TEC: variants seen among roughly 807,000 people sequenced by gnomAD.
TEC encodes tyrosine-protein kinase Tec.
Under a neutral mutation model 93.0 loss-of-function variants are expected in TEC, and 72 were observed. That is an observed-to-expected ratio of 0.77 (90% CI 0.64 to 0.94). TEC has a LOEUF of 0.94. Among genes scored for constraint, TEC ranks in the 40% least tolerant of loss-of-function variants. The pLI is 0.00. For synonymous variants in TEC, 249 were observed against 247.7 expected (o/e 1.01, Z -0.05); for missense variants, 630 against 757.9 (o/e 0.83, Z 1.98).
At chr4:48,268,682 T>TA (rs1481905081) in intron 1 of TEC, among the ~76,000 whole-genome samples, 1 of 152,212 alleles carries the variant, frequency 6.6e-6, no homozygotes, top group African/African-American at 2.4e-5. Context: ...CCCAGCTCTT[T>TA]AGCAGAGAAT....
intron 2 of TEC, among the ~76,000 whole-genome samples, chr4:48,207,186 A>T (rs1722743806): frequency 6.6e-6 from 1 of 152,196 alleles, no homozygotes; most frequent in Non-Finnish European, 1.5e-5. Context: ...GTTCAACAGG[A>T]ATCAGACAGT....
Position 48,257,837 on chromosome 4 carries a change from T to C in TEC, c.-46+11915A>G, listed in dbSNP as rs74777122. ...TAGACTGAAAATTTGGATGGAAGTA[T>C]TTTCCTCAATCTTCTATACCATTGA... On this transcript the variant is annotated intron_variant, in intron 1 of 17. Transcript: ENST00000381501. Among the ~76,000 whole-genome samples, 193 of 152,294 alleles carry C rather than the reference T, an allele frequency of 1.3e-3. 2 individuals carry two copies. In the East Asian group the frequency reaches 0.032, roughly 25 times the overall value.
At chr4:48,151,589 C>T (rs1348228993) in intron 9 of TEC, among the ~76,000 whole-genome samples, 1 of 152,142 alleles carries the variant, frequency 6.6e-6, no homozygotes, top group Non-Finnish European at 1.5e-5. Flanking sequence ...TGGGTTCAAG[C>T]AGTTCTCCTG....
intron 1 of TEC, among the ~76,000 whole-genome samples, chr4:48,239,538 C>T (rs1255502764): frequency 6.6e-6 from 1 of 152,034 alleles, no homozygotes; most frequent in Non-Finnish European, 1.5e-5. Flanking sequence ...TTTTCAGGGC[C>T]TTTTACTAGG....
chr4:48,170,444 C>T, intron 4 of TEC, 68 bp from the exon 5 acceptor site: 1 of 1,064,086 alleles, frequency 9.4e-7, no homozygotes, highest in Non-Finnish European at 1.4e-6. Flanking sequence ...TCATAAATAA[C>T]AGTGTCGATC....
At chr4:48,185,910 C>T (rs558812547) in intron 2 of TEC, among the ~76,000 whole-genome samples, 3 of 151,734 alleles carry the variant, frequency 2.0e-5, no homozygotes, top group African/African-American at 7.2e-5. Context: ...TTGTGAAAGC[C>T]GAGGCTGGAC....
intron 3 of TEC, 137 bp downstream of exon 3, chr4:48,175,945 T>C: frequency 1.5e-6 from 1 of 646,148 alleles, no homozygotes; most frequent in Non-Finnish European, 2.7e-6. Flanking sequence ...AAACAGTTCA[T>C]GAAGAAAAGT....
At chr4:48,146,589 T>A (rs554176086) in intron 11 of TEC, among the ~76,000 whole-genome samples, 190 bp from the exon 12 acceptor site, 1 of 152,342 alleles carries the variant, frequency 6.6e-6, no homozygotes, top group Admixed American at 6.5e-5. Context: ...CTACAGTGTT[T>A]AACAGGCACC....
intron 17 of TEC, 86 bp downstream of exon 17, chr4:48,138,579 C>A: frequency 6.9e-7 from 1 of 1,448,208 alleles, no homozygotes; most frequent in Non-Finnish European, 9.3e-7. Context: ...TGCACCACCT[C>A]ACTAGGCTAT....
intron 1 of TEC, among the ~76,000 whole-genome samples, chr4:48,253,689 C>T (rs1447509729): frequency 6.6e-6 from 1 of 151,780 alleles, no homozygotes; most frequent in Non-Finnish European, 1.5e-5. Context: ...ATTCTCCTGC[C>T]TCAGCATCCC....
chr4:48,159,601 G>C (rs1271762523), intron 8 of TEC, among the ~76,000 whole-genome samples: 1 of 150,426 alleles, frequency 6.6e-6, no homozygotes, highest in African/African-American at 2.5e-5. Flanking sequence ...TGTTGTCCAG[G>C]CTGGAGTGTA....
At chr4:48,159,861 C>G (rs1720555407) in intron 8 of TEC, among the ~76,000 whole-genome samples, 1 of 152,136 alleles carries the variant, frequency 6.6e-6, no homozygotes, top group African/African-American at 2.4e-5. Context: ...TTTCAACAAC[C>G]AGTTCTTGTG....
At chr4:48,246,058 G>A (rs563384161) in intron 1 of TEC, among the ~76,000 whole-genome samples, 16 of 152,212 alleles carry the variant, frequency 1.1e-4, no homozygotes, top group African/African-American at 3.4e-4. Flanking sequence ...GCAGTGAGCC[G>A]AGATCACGCC....
chr4:48,181,608 G>A (rs1721590863), intron 2 of TEC, among the ~76,000 whole-genome samples: 2 of 151,178 alleles, frequency 1.3e-5, no homozygotes, highest in Admixed American at 6.6e-5. Flanking sequence ...GGGAGGCAGA[G>A]GTTGCAGTGA....
chr4:48,250,377 A>C (rs1560425405), intron 1 of TEC, among the ~76,000 whole-genome samples: 1 of 152,220 alleles, frequency 6.6e-6, no homozygotes, highest in African/African-American at 2.4e-5. Flanking sequence ...CAATAGATTG[A>C]TTGGAATAAT....
intron 8 of TEC, among the ~76,000 whole-genome samples, chr4:48,163,011 C>A (rs1038107679): frequency 1.3e-5 from 2 of 151,836 alleles, no homozygotes; most frequent in Admixed American, 6.6e-5. Flanking sequence ...AGAAACAAGA[C>A]GTTATCCCAT....
At chr4:48,216,294 A>G (rs1723079333) in intron 2 of TEC, among the ~76,000 whole-genome samples, 1 of 152,024 alleles carries the variant, frequency 6.6e-6, no homozygotes, top group African/African-American at 2.4e-5. Context: ...CTTGCCACCA[A>G]GGATTCCTCC....
Position 48,176,122 on chromosome 4 carries a change from T to C in TEC, c.203A>G (p.Asp68Gly), listed in dbSNP as rs1006089815. ...ATTTTGACAGGGAATGACACCATCA[T>C]CATTCTTCACTATTTCCACACACTT... ...KIKCVEIVKNDDGVIPCQNKY... is the reference protein window; with the variant it reads ...KIKCVEIVKNGDGVIPCQNKY... Residue 68 changes from aspartate to glycine, a missense_variant, in exon 3 of 18, where the codon GAT becomes GGT. Around this residue, in one of 3 missense-constraint regions of TEC, gnomAD observed 335 missense variants for 351.5 expected, o/e 0.95. Transcript: ENST00000381501. The C allele has an allele frequency of 1.2e-6, 2 of 1,613,908 alleles. No homozygotes were observed. Among genetic ancestry groups the C allele is most frequent in the Admixed American group, 1.7e-5 (1 of 60,010 alleles).
At chr4:48,233,570 G>A (rs1577661279) in intron 1 of TEC, among the ~76,000 whole-genome samples, 1 of 150,776 alleles carries the variant, frequency 6.6e-6, no homozygotes, top group African/African-American at 2.4e-5. Flanking sequence ...TGAATCTAAG[G>A]TCAAAGAACA....
Sources: allele counts gnomAD v4.1 joint callset (sites outside exome capture counted in the v4.1 genomes callset), GRCh38; gene constraint gnomAD v4.1.1; regional missense constraint gnomAD v4.1.1; transcripts MANE v1.5; gene names NCBI Gene and HGNC (gene_info 2026-07-23, HGNC 2026-07-21).